RDH8: variants seen among roughly 807,000 people sequenced by gnomAD.
RDH8 encodes the protein retinol dehydrogenase 8.
A neutral mutation model predicts 22.3 loss-of-function variants in RDH8; 14 were observed. That is an observed-to-expected ratio of 0.63 (90% CI 0.42 to 0.98). The LOEUF (loss-of-function observed/expected upper bound fraction) is 0.98, where lower values mean the gene tolerates loss of function less well. Ranked by LOEUF, RDH8 falls within the 50% of genes least tolerant of loss-of-function variation. RDH8 has a pLI of 0.00. For synonymous variants in RDH8, 175 were observed against 171.7 expected (o/e 1.02, Z -0.15); for missense variants, 389 against 409.8 (o/e 0.95, Z 0.44).
intron 1 of RDH8, among the ~76,000 whole-genome samples, chr19:10,016,281 G>C (rs2087615212): frequency 6.7e-6 from 1 of 149,656 alleles, no homozygotes; most frequent in Non-Finnish European, 1.5e-5. Flanking sequence ...CAAGTAGCTG[G>C]GACTACAGGC....
At chr19:10,019,527 G>A (rs1355424561) in intron 3 of RDH8, among the ~76,000 whole-genome samples, 6 of 152,086 alleles carry the variant, frequency 3.9e-5, no homozygotes, top group South Asian at 2.1e-4. Context: ...GGCCAGGCAC[G>A]GTGACTCATG....
intron 1 of RDH8, among the ~76,000 whole-genome samples, chr19:10,014,696 C>T (rs918314557): frequency 6.6e-6 from 1 of 152,134 alleles, no homozygotes; most frequent in Non-Finnish European, 1.5e-5. Flanking sequence ...CACCACCACA[C>T]CCGGCTAAGT....
chr19:10,016,918 CTGAG>C, intron 1 of RDH8, 135 bp from the exon 2 acceptor site: 1 of 882,890 alleles, frequency 1.1e-6, no homozygotes, highest in South Asian at 2.3e-5. Flanking sequence ...CACTTGTTGG[CTGAG>C]TGATAAATGT....
intron 2 of RDH8, among the ~76,000 whole-genome samples, chr19:10,017,870 T>A (rs2087631201): frequency 6.6e-6 from 1 of 151,624 alleles, no homozygotes; most frequent in South Asian, 2.1e-4. Flanking sequence ...GGTCTCAAAC[T>A]CCTGACCTCA....
chr19:10,016,913 G>A, intron 1 of RDH8, 144 bp from the exon 2 acceptor site: 3 of 840,814 alleles, frequency 3.6e-6, no homozygotes, highest in Non-Finnish European at 3.5e-6. Flanking sequence ...GTGTGCACTT[G>A]TTGGCTGAGT....
In RDH8 at chr19:10,021,767, G is replaced by A. The variant is rs775869679; in HGVS notation, c.*18G>A. ...CAAGATGAGCAGAACAGAGCTTCACGATCCCCATCCCTGAACAACCAGACC... is the reference window on the plus strand; with the variant it reads ...CAAGATGAGCAGAACAGAGCTTCACAATCCCCATCCCTGAACAACCAGACC... On this transcript the variant is annotated 3_prime_UTR_variant, in exon 6 of 6. Transcript: ENST00000591589. 1.1e-5 allele frequency: 17 copies of A among 1,609,006 alleles called. No individual in the cohort carries two copies. Among genetic ancestry groups the A allele is most frequent in the Admixed American group, 1.7e-5 (1 of 59,966 alleles).
rs1341746561 is a variant in RDH8, at chr19:10,018,720, T to A, written c.263-11T>A. The A allele has an allele frequency of 6.3e-7, 1 of 1,590,710 alleles. No individual in the cohort carries two copies. The highest frequency in any genetic ancestry group is 1.7e-5 in the Admixed American group (1 of 57,736). ...GGACTTTAAGGTAACCCTTAGTACC[T>A]CTTCTCTTAGTGAATAATGCTGGAA... is the stretch of plus-strand genomic sequence containing the variant. On this transcript the variant is annotated splice_polypyrimidine_tract_variant and intron_variant, in intron 2 of 5. Coordinates refer to ENST00000591589, the MANE Select transcript of RDH8 (RefSeq NM_015725.4).
chr19:10,021,828 C>T lies in RDH8; in HGVS notation c.*79C>T. 7.1e-7 allele frequency: 1 copy of T among 1,405,428 alleles called. No individual in the cohort carries two copies. Among genetic ancestry groups the T allele is most frequent in the Non-Finnish European group, 9.8e-7 (1 of 1,021,776 alleles). The allele number at this position is 1,405,428 out of a possible 1,614,324, so 87.1% of individuals were successfully genotyped here. Reference sequence around the variant, plus strand: ...ACATCTAATTCAAAGGATGAACAGACTCTTCATTTATTCATTCTGCAAACT... The same window carrying T: ...ACATCTAATTCAAAGGATGAACAGATTCTTCATTTATTCATTCTGCAAACT... On this transcript the variant is annotated 3_prime_UTR_variant, in exon 6 of 6. Coordinates refer to ENST00000591589, the MANE Select transcript of RDH8 (RefSeq NM_015725.4).
chr19:10,019,879 G>C (rs577322933), intron 3 of RDH8, among the ~76,000 whole-genome samples: 9 of 152,194 alleles, frequency 5.9e-5, no homozygotes, highest in Middle Eastern at 3.4e-3. Context: ...GGTGGTTCAT[G>C]CCTGTAATCC....
At chr19:10,019,227 G>A (rs1011573785) in intron 3 of RDH8, among the ~76,000 whole-genome samples, 12 of 152,130 alleles carry the variant, frequency 7.9e-5, no homozygotes, top group African/African-American at 4.8e-5. Context: ...GAACCTGGGA[G>A]GTGTAGGTTG....
intron 1 of RDH8, among the ~76,000 whole-genome samples, chr19:10,015,322 G>A (rs1454529871): frequency 1.3e-5 from 2 of 151,550 alleles, no homozygotes; most frequent in Non-Finnish European, 2.9e-5. Flanking sequence ...GCGTGGTGGT[G>A]GATGCCTGTA....
chr19:10,017,897 C>A (rs976911241), intron 2 of RDH8, among the ~76,000 whole-genome samples: 1 of 151,942 alleles, frequency 6.6e-6, no homozygotes, highest in African/African-American at 2.4e-5. Flanking sequence ...CCGCCCACCT[C>A]GACCTCCCAG....
At chr19:10,020,141 T>A (rs1218965745) in intron 3 of RDH8, among the ~76,000 whole-genome samples, 1 of 151,430 alleles carries the variant, frequency 6.6e-6, no homozygotes, top group Non-Finnish European at 1.5e-5. Flanking sequence ...AAAATTAAAT[T>A]AAATAAAAAA....
At chr19:10,014,956 CAT>C (rs2087598962) in intron 1 of RDH8, among the ~76,000 whole-genome samples, 1 of 152,194 alleles carries the variant, frequency 6.6e-6, no homozygotes, top group South Asian at 2.1e-4. Context: ...CCCTTGCACC[CAT>C]GTTTCCCACT....
intron 1 of RDH8, among the ~76,000 whole-genome samples, 164 bp from the exon 2 acceptor site, chr19:10,016,893 G>A (rs1242869570): frequency 1.1e-4 from 16 of 152,216 alleles, no homozygotes; most frequent in African/African-American, 3.6e-4. Flanking sequence ...GTGGAGATGC[G>A]TGTACACAAG....
At chr19:10,021,192 G>T (rs925262325) in intron 4 of RDH8, 63 bp from the exon 5 acceptor site, 26 of 1,454,986 alleles carry the variant, frequency 1.8e-5, no homozygotes, top group African/African-American at 1.6e-4. Flanking sequence ...AAAAAAAAAT[G>T]GACAAAATAG....
chr19:10,021,501 T>G (rs1172072746), intron 5 of RDH8, 33 bp from the exon 6 acceptor site: 1 of 1,613,768 alleles, frequency 6.2e-7, no homozygotes, highest in Non-Finnish European at 8.5e-7. Context: ...AGGCCCTCCC[T>G]GGGTCCCAGC....
At position 10,021,697 on chromosome 19, in the gene RDH8, GCC is replaced by G; in HGVS notation, c.885_886del (p.Leu296SerfsTer27). On this transcript the variant is annotated frameshift_variant, in exon 6 of 6. Transcript: ENST00000591589. LOFTEE classifies it high-confidence loss of function. The stretch of plus-strand genomic sequence containing the variant: ...CGCTGTCCACGCCTCCTCAACCTTG[GCC>G]TTCAATGTCTGTCCTGCGGCTGCCT... The G allele has an allele frequency of 6.2e-7, 1 of 1,614,054 alleles. No homozygotes were observed. The highest frequency in any genetic ancestry group is 1.1e-5 in the South Asian group (1 of 91,080).
At chr19:10,018,705 G>A (rs778423256) in intron 2 of RDH8, 26 bp from the exon 3 acceptor site, 3 of 1,551,788 alleles carry the variant, frequency 1.9e-6, no homozygotes, top group Non-Finnish European at 2.6e-6. Context: ...GGACTTTAAG[G>A]TAACCCTTAG....
Sources: allele counts gnomAD v4.1 joint callset (sites outside exome capture counted in the v4.1 genomes callset), GRCh38; gene constraint gnomAD v4.1.1; transcripts MANE v1.5; gene names NCBI Gene and HGNC (gene_info 2026-07-23, HGNC 2026-07-21).